The following ATP6V0A1 variants were observed in gnomAD, a reference collection of about 807,000 sequenced individuals.
ATP6V0A1 encodes ATPase H+ transporting V0 subunit a1, also known as V-type proton ATPase 116 kDa subunit a 1.
ATP6V0A1 carries 43 observed loss-of-function variants against 105.4 expected under a neutral mutation model. The observed-to-expected ratio is 0.41, with a 90% confidence interval of 0.32 to 0.53. The LOEUF (loss-of-function observed/expected upper bound fraction) is 0.53. Among genes scored for constraint, ATP6V0A1 ranks in the 20% least tolerant of loss-of-function variants. The probability of loss-of-function intolerance (pLI) is 0.30; values close to 1 mark genes in which losing one functional copy is unlikely to be tolerated. For synonymous variants in ATP6V0A1, 362 were observed against 372.8 expected (o/e 0.97, Z 0.33); for missense variants, 676 against 1,051.1 (o/e 0.64, Z 4.93).
intron 15 of ATP6V0A1, among the ~76,000 whole-genome samples, chr17:42,500,256 A>T (rs2146121791): frequency 6.6e-6 from 1 of 152,288 alleles, no homozygotes; most frequent in South Asian, 2.1e-4. Flanking sequence ...AGGCGGGCAG[A>T]TCACCTGATG....
chr17:42,513,690 C>A, intron 19 of ATP6V0A1, 171 bp from the exon 20 acceptor site: 1 of 649,732 alleles, frequency 1.5e-6, no homozygotes, highest in Non-Finnish European at 2.7e-6. Context: ...GAAATCACCA[C>A]CTGAGCTCAA....
At chr17:42,494,960 A>C in intron 12 of ATP6V0A1, 74 bp from the exon 13 acceptor site, 2 of 1,477,476 alleles carry the variant, frequency 1.4e-6, no homozygotes, top group Non-Finnish European at 1.9e-6. Context: ...AGGGGCAGGT[A>C]TATTCTGAAT....
At chr17:42,517,398 C>CATCT (rs2092675206) in intron 21 of ATP6V0A1, among the ~76,000 whole-genome samples, 1 of 152,170 alleles carries the variant, frequency 6.6e-6, no homozygotes, top group Non-Finnish European at 1.5e-5. Context: ...GAGAAGACCC[C>CATCT]AGAGGAGGCA....
At chr17:42,517,537 C>G (rs2092681502) in intron 21 of ATP6V0A1, among the ~76,000 whole-genome samples, 1 of 152,358 alleles carries the variant, frequency 6.6e-6, no homozygotes, top group Admixed American at 6.5e-5. Flanking sequence ...CTTTGTGCAA[C>G]TTCCAGAATC....
At chr17:42,488,065 A>T (rs1038492670) in intron 10 of ATP6V0A1, among the ~76,000 whole-genome samples, 6 of 152,226 alleles carry the variant, frequency 3.9e-5, no homozygotes, top group Non-Finnish European at 7.3e-5. Context: ...TGTCCACAGA[A>T]GTGCTGTAAG....
intron 9 of ATP6V0A1, 107 bp downstream of exon 9, chr17:42,483,238 G>T: frequency 1.1e-5 from 9 of 816,582 alleles, no homozygotes; most frequent in Non-Finnish European, 1.5e-5. Flanking sequence ...AGCAAACCAG[G>T]ATACCAAAAA....
chr17:42,466,872 G>A (rs944681034), intron 3 of ATP6V0A1, among the ~76,000 whole-genome samples: 1 of 152,168 alleles, frequency 6.6e-6, no homozygotes, highest in African/African-American at 2.4e-5. Flanking sequence ...AACTGGCTGG[G>A]CCCGGTGGCT....
At chr17:42,495,902 A>G (rs931801496) in intron 14 of ATP6V0A1, 186 bp downstream of exon 14, 3 of 519,522 alleles carry the variant, frequency 5.8e-6, no homozygotes, top group Non-Finnish European at 1.0e-5. Context: ...GTGAAACCCT[A>G]TCTCTACTAA....
At position 42,521,261 on chromosome 17, in the gene ATP6V0A1, T is replaced by C; in HGVS notation, c.*141T>C. ...CTGTCTGTGAGTCATTTAGATAGAA[T>C]AGTCCTCCTTGGGTCTCCCACCACC... On this transcript the variant is annotated 3_prime_UTR_variant, in exon 22 of 22. Coordinates refer to ENST00000343619, the MANE Select transcript of ATP6V0A1 (RefSeq NM_001130021.3). The surrounding 1 kb of genome is among the most constrained non-coding windows in gnomAD (Gnocchi z 4.8). 1.5e-6 allele frequency: 1 copy of C among 672,248 alleles called. No individual in the cohort carries two copies. Among genetic ancestry groups the C allele is most frequent in the Non-Finnish European group, 2.4e-6 (1 of 421,818 alleles). 41.6% of individuals were successfully genotyped at this position (672,248 alleles called of 1,614,324 possible).
In ATP6V0A1 at chr17:42,520,766, A is replaced by G. The variant is rs552969053; in HGVS notation, c.2421-261A>G. The G allele has an allele frequency of 1.4e-4, 65 of 479,346 alleles. 1 individual carries two copies. The highest frequency in any genetic ancestry group is 1.3e-4 in the Non-Finnish European group (34 of 259,032). The allele number at this position is 479,346 out of a possible 1,614,324, so 29.7% of individuals were successfully genotyped here. A position where few individuals can be genotyped will look rare whatever the true frequency, so the allele number is the denominator to read the frequency against. ...ACTTTTTTTGCACATGCCTCTCTGCAGAGAGTTGTGCATAAACACACTGCT... is the reference window on the plus strand; with the variant it reads ...ACTTTTTTTGCACATGCCTCTCTGCGGAGAGTTGTGCATAAACACACTGCT... On this transcript the variant is annotated intron_variant, in intron 21 of 21. Transcript: ENST00000343619.
Position 42,478,449 on chromosome 17 carries a change from T to A in ATP6V0A1, c.507-14T>A. On this transcript the variant is annotated splice_polypyrimidine_tract_variant and intron_variant, in intron 6 of 21. Coordinates refer to ENST00000343619, the MANE Select transcript of ATP6V0A1 (RefSeq NM_001130021.3). ...CATGGAATAGAGTTTCCAATCTGCCTCTTCTCCCCACAGCTTCGTGGCTGG... is the reference window on the plus strand; with the variant it reads ...CATGGAATAGAGTTTCCAATCTGCCACTTCTCCCCACAGCTTCGTGGCTGG... 5 of 1,577,606 alleles carry A rather than the reference T, an allele frequency of 3.2e-6. No individual in the cohort carries two copies. Among genetic ancestry groups the A allele is most frequent in the African/African-American group, 2.7e-5 (2 of 73,968 alleles).
chr17:42,475,867 C>T (rs561928307), intron 5 of ATP6V0A1, among the ~76,000 whole-genome samples: 18 of 152,236 alleles, frequency 1.2e-4, no homozygotes, highest in African/African-American at 4.3e-4. Flanking sequence ...CTCAGAGAGT[C>T]CTAGATAGAG....
intron 17 of ATP6V0A1, among the ~76,000 whole-genome samples, chr17:42,505,366 C>T (rs952538336): frequency 1.3e-5 from 2 of 152,242 alleles, no homozygotes; most frequent in Middle Eastern, 3.4e-3. Flanking sequence ...CCACCTCCCC[C>T]GGCTAATTTT....
At chr17:42,481,865 A>G (rs1183933120) in intron 8 of ATP6V0A1, among the ~76,000 whole-genome samples, 2 of 151,126 alleles carry the variant, frequency 1.3e-5, no homozygotes, top group African/African-American at 2.5e-5. Flanking sequence ...TTTTTGAGAC[A>G]GAGTCTTGCG....
intron 2 of ATP6V0A1, among the ~76,000 whole-genome samples, chr17:42,464,534 C>T (rs2086807812): frequency 6.6e-6 from 1 of 152,026 alleles, no homozygotes; most frequent in African/African-American, 2.4e-5. Flanking sequence ...TTCCAAGTAG[C>T]TGGGATTACA....
At chr17:42,489,963 A>C (rs76303838) in intron 10 of ATP6V0A1, among the ~76,000 whole-genome samples, 1 of 152,340 alleles carries the variant, frequency 6.6e-6, no homozygotes, top group East Asian at 1.9e-4. Context: ...CTAAGGAAGA[A>C]GGATTTTCAC....
intron 9 of ATP6V0A1, among the ~76,000 whole-genome samples, chr17:42,483,336 C>T (rs1428215255): frequency 1.3e-5 from 2 of 152,004 alleles, no homozygotes; most frequent in African/African-American, 2.4e-5. Flanking sequence ...CATCCTCAAA[C>T]GAGACAGGAA....
intron 9 of ATP6V0A1, 28 bp from the exon 10 acceptor site, chr17:42,487,127 C>A: frequency 6.2e-7 from 1 of 1,609,684 alleles, no homozygotes; most frequent in South Asian, 1.1e-5. Flanking sequence ...TTAAAAGGAT[C>A]CCTCGCTTGT....
At chr17:42,465,387 T>G (rs986664655) in intron 2 of ATP6V0A1, among the ~76,000 whole-genome samples, 1 of 151,528 alleles carries the variant, frequency 6.6e-6, no homozygotes, top group African/African-American at 2.4e-5. Context: ...GCTTCCCGGG[T>G]TCAAGCGATT....
Sources: gnomAD v4.1 joint callset for allele counts (sites outside exome capture counted in the v4.1 genomes callset) on GRCh38, gnomAD v4.1.1 for gene constraint, Gnocchi (gnomAD v3.1) non-coding constraint, MANE v1.5 for transcripts, NCBI Gene and HGNC (gene_info 2026-07-23, HGNC 2026-07-21) for gene names.